EYA1: variants seen among roughly 807,000 people sequenced by gnomAD.
EYA1 encodes the protein protein phosphatase EYA1.
In EYA1, 16 loss-of-function variants were observed where a neutral mutation model predicts 82.0. That is an observed-to-expected ratio of 0.20 (90% CI 0.13 to 0.30). The LOEUF (loss-of-function observed/expected upper bound fraction) is 0.30. EYA1 is among the 10% of genes least tolerant of loss of function. The pLI, the probability that EYA1 is intolerant of heterozygous loss-of-function variation, is 1.00. For synonymous variants in EYA1, 261 were observed against 264.4 expected (o/e 0.99, Z 0.12); for missense variants, 633 against 730.7 (o/e 0.87, Z 1.54).
chr8:71,451,590 G>T (rs574206753), intron 2 of EYA1, among the ~76,000 whole-genome samples: 1 of 152,140 alleles, frequency 6.6e-6, no homozygotes, highest in Admixed American at 6.5e-5. Context: ...TCATAATCAA[G>T]GTTCTTCTTT....
In EYA1 at chr8:71,199,223, C is replaced by T. The variant is rs886063087; in HGVS notation, c.*117G>A. 5.3e-5 allele frequency: 39 copies of T among 737,584 alleles called. No individual in the cohort carries two copies. The highest frequency in any genetic ancestry group is 2.2e-4 in the African/African-American group (13 of 57,808). The allele number at this position is 737,584 out of a possible 1,614,324, so 45.7% of individuals were successfully genotyped here. A position where few individuals can be genotyped will look rare whatever the true frequency, so the allele number is the denominator to read the frequency against. On this transcript the variant is annotated 3_prime_UTR_variant, in exon 18 of 18. Coordinates refer to ENST00000340726, the MANE Select transcript of EYA1 (RefSeq NM_000503.6). The stretch of plus-strand genomic sequence containing the variant: ...CAGAGGTCAAGACTGACAGCAACTG[C>T]GCATCACCAGGCGGAAATTGCTAAG...
chr8:71,299,072 G>A lies in EYA1; in HGVS notation c.801C>T (p.Ser267=). The A allele has an allele frequency of 6.2e-7, 1 of 1,614,036 alleles. No individual in the cohort carries two copies. Among genetic ancestry groups the A allele is most frequent in the Non-Finnish European group, 8.5e-7 (1 of 1,179,960 alleles). The stretch of plus-strand genomic sequence containing the variant: ...CTGCTGTGGGATCTGTAACTGCTTG[G>A]CTGGTGATGCCAGATGGCGGTTCTT... ...QLQEPPSGIT[S]QAVTDPTAEY... is the part of the protein sequence containing the mutation. The change falls in exon 9 of 18, where the codon AGC becomes AGT. Residue 267 remains serine, a synonymous_variant. Transcript: ENST00000340726.
At chr8:71,305,594 C>T (rs1047535201) in intron 7 of EYA1, among the ~76,000 whole-genome samples, 7 of 151,822 alleles carry the variant, frequency 4.6e-5, no homozygotes, top group East Asian at 3.9e-4. Context: ...TTCAGTGAGC[C>T]GAGATCATGC....
intron 9 of EYA1, among the ~76,000 whole-genome samples, chr8:71,288,851 C>T (rs1343297127): frequency 1.3e-5 from 2 of 152,114 alleles, no homozygotes; most frequent in Non-Finnish European, 2.9e-5. Context: ...AGAGTTAAAA[C>T]TTATCTTAAA....
chr8:71,412,318 A>T (rs1161365259), intron 2 of EYA1, among the ~76,000 whole-genome samples: 1 of 150,056 alleles, frequency 6.7e-6, no homozygotes, highest in Non-Finnish European at 1.5e-5. Flanking sequence ...AGCATGGCAC[A>T]TGTATACATA....
At chr8:71,226,551 GC>G (rs1220638071) in intron 12 of EYA1, among the ~76,000 whole-genome samples, 1 of 150,992 alleles carries the variant, frequency 6.6e-6, no homozygotes, top group Non-Finnish European at 1.5e-5. Context: ...CTTAATGAAA[GC>G]CAGAAAGAAT....
intron 14 of EYA1, 60 bp from the exon 15 acceptor site, chr8:71,215,788 C>G (rs200995253): frequency 1.2e-4 from 144 of 1,152,216 alleles, no homozygotes; most frequent in Non-Finnish European, 1.6e-4. Flanking sequence ...TTCGGCTTTG[C>G]AAGTAATTAA....
At chr8:71,521,828 A>AC (rs1342938287) in intron 2 of EYA1, among the ~76,000 whole-genome samples, 2 of 152,210 alleles carry the variant, frequency 1.3e-5, no homozygotes, top group African/African-American at 4.8e-5. Flanking sequence ...GGCACTAAGT[A>AC]ATCAGTTAGA....
chr8:71,451,549 T>C (rs1341824286), intron 2 of EYA1, among the ~76,000 whole-genome samples: 1 of 152,220 alleles, frequency 6.6e-6, no homozygotes, highest in Non-Finnish European at 1.5e-5. Flanking sequence ...GGAATTATTT[T>C]TGTTTTTTCA....
chr8:71,471,101 G>A (rs1809167578), intron 2 of EYA1, among the ~76,000 whole-genome samples: 1 of 151,926 alleles, frequency 6.6e-6, no homozygotes, highest in African/African-American at 2.4e-5. Flanking sequence ...CCTGTTTCAA[G>A]CCCCAGAGAA....
intron 12 of EYA1, among the ~76,000 whole-genome samples, chr8:71,222,046 G>A (rs1157081490): frequency 6.6e-6 from 1 of 152,154 alleles, no homozygotes; most frequent in Admixed American, 6.5e-5. Context: ...GCCTGCTTGG[G>A]TCTCTTCCAA....
At chr8:71,335,127 T>C (rs1344355316) in intron 3 of EYA1, among the ~76,000 whole-genome samples, 2 of 152,256 alleles carry the variant, frequency 1.3e-5, no homozygotes, top group Non-Finnish European at 2.9e-5. Context: ...ATTCATTTCT[T>C]AGTAACAGAT....
At chr8:71,354,549 T>C (rs760601239) in intron 3 of EYA1, among the ~76,000 whole-genome samples, 3 of 152,184 alleles carry the variant, frequency 2.0e-5, no homozygotes, top group Non-Finnish European at 4.4e-5. Flanking sequence ...TATACATGTG[T>C]ATATATGTAT....
chr8:71,286,958 C>T (rs1247988664), intron 9 of EYA1, among the ~76,000 whole-genome samples: 7 of 151,934 alleles, frequency 4.6e-5, no homozygotes, highest in South Asian at 2.1e-4. Flanking sequence ...CCTGCCACCA[C>T]GCCTGGCTAA....
intron 11 of EYA1, among the ~76,000 whole-genome samples, chr8:71,267,900 A>G (rs1816060130): frequency 6.6e-6 from 1 of 152,230 alleles, no homozygotes; most frequent in Non-Finnish European, 1.5e-5. Context: ...AACTAAACAA[A>G]CAAACAAATA....
chr8:71,446,915 A>G, intron 2 of EYA1, among the ~76,000 whole-genome samples: 1 of 152,074 alleles, frequency 6.6e-6, no homozygotes, highest in East Asian at 1.9e-4. Flanking sequence ...TGCCCATATT[A>G]CTTGTGGCTT....
At chr8:71,274,973 C>T (rs982734186) in intron 9 of EYA1, among the ~76,000 whole-genome samples, 7 of 120,474 alleles carry the variant, frequency 5.8e-5, no homozygotes, top group East Asian at 3.4e-4. Context: ...CAAGCGCGTG[C>T]GAGAGCGCAT....
intron 2 of EYA1, among the ~76,000 whole-genome samples, chr8:71,485,922 G>A (rs949875640): frequency 1.3e-5 from 2 of 152,126 alleles, no homozygotes; most frequent in African/African-American, 4.8e-5. Flanking sequence ...GTCCTTTAAT[G>A]AGAGAAGAGT....
intron 2 of EYA1, among the ~76,000 whole-genome samples, chr8:71,443,206 G>A (rs1056531276): frequency 6.6e-6 from 1 of 152,118 alleles, no homozygotes; most frequent in Non-Finnish European, 1.5e-5. Flanking sequence ...ATGTGGAGTG[G>A]GATGATTGGT....
Sources: allele counts gnomAD v4.1 joint callset (sites outside exome capture counted in the v4.1 genomes callset), GRCh38; gene constraint gnomAD v4.1.1; transcripts MANE v1.5; gene names NCBI Gene and HGNC (gene_info 2026-07-23, HGNC 2026-07-21).